STAU2: variants seen among roughly 807,000 people sequenced by gnomAD.
The protein encoded by STAU2 is staufen double-stranded RNA binding protein 2.
In STAU2, 20 loss-of-function variants were observed where a neutral mutation model predicts 65.9. The ratio of observed to expected loss-of-function variants is 0.30; its 90% CI spans 0.21 to 0.44. The LOEUF (loss-of-function observed/expected upper bound fraction) is 0.44, where lower values mean the gene tolerates loss of function less well. STAU2 is among the 20% of genes least tolerant of loss of function. STAU2 has a pLI of 1.00. For missense variants in STAU2, 558 were observed against 683.9 expected, an observed-to-expected ratio of 0.82 and a Z score of 2.05; for synonymous variants, 232 against 233.9, an observed-to-expected ratio of 0.99 and a Z score of 0.07.
chr8:73,450,441 G>A (rs534171297), intron 13 of STAU2, among the ~76,000 whole-genome samples: 5 of 152,244 alleles, frequency 3.3e-5, no homozygotes, highest in African/African-American at 7.2e-5. Flanking sequence ...CCAAAGCCAC[G>A]GATGAGATGA....
chr8:73,625,374 T>A (rs1390201375), intron 6 of STAU2, among the ~76,000 whole-genome samples: 3 of 152,198 alleles, frequency 2.0e-5, no homozygotes, highest in Non-Finnish European at 4.4e-5. Flanking sequence ...TTTACAGTCG[T>A]ACAAAGGAAT....
chr8:73,480,464 A>C (rs1337472677), intron 13 of STAU2, among the ~76,000 whole-genome samples: 2 of 152,174 alleles, frequency 1.3e-5, no homozygotes, highest in African/African-American at 4.8e-5. Flanking sequence ...TTTGGTGACA[A>C]CACGAAGAGG....
chr8:73,480,503 C>T (rs1471572625), intron 13 of STAU2, among the ~76,000 whole-genome samples: 1 of 152,078 alleles, frequency 6.6e-6, no homozygotes, highest in Non-Finnish European at 1.5e-5. Flanking sequence ...AGACTATTAG[C>T]ATTTGGAAAC....
chr8:73,551,669 T>C (rs1807343447), intron 13 of STAU2: 7 of 1,007,130 alleles, frequency 7.0e-6, no homozygotes, highest in Non-Finnish European at 5.9e-6. Flanking sequence ...ACACCAAATG[T>C]CTGAAGGCAG....
Position 73,437,275 on chromosome 8 carries a change from G to A in STAU2, c.1531-14573C>T, listed in dbSNP as rs1222924711. 2.0e-5 allele frequency among the ~76,000 whole-genome samples: 3 copies of A among 152,312 alleles called. No individual in the cohort carries two copies. The East Asian group carries it at 5.8e-4, about 29-fold the overall frequency. On this transcript the variant is annotated intron_variant, in intron 13 of 14. Coordinates refer to ENST00000524300, the MANE Select transcript of STAU2 (RefSeq NM_001164380.2). Reference sequence around the variant, plus strand: ...ACCTGGAGATGGGACAAGTAGCCAGGATTATACAGGTGGGCCCAATCTAAT... The same window carrying A: ...ACCTGGAGATGGGACAAGTAGCCAGAATTATACAGGTGGGCCCAATCTAAT...
Position 73,654,586 on chromosome 8 carries a change from G to A in STAU2, c.410+18521C>T, listed in dbSNP as rs543359098. Among the ~76,000 whole-genome samples, 28 of 121,176 alleles carry A rather than the reference G, an allele frequency of 2.3e-4. No homozygotes were observed. The East Asian group carries it at 7.1e-3, about 31-fold the overall frequency. The allele number at this position is 121,176 out of a possible 152,430, so 79.5% of individuals were successfully genotyped here. A position where few individuals can be genotyped will look rare whatever the true frequency, so the allele number is the denominator to read the frequency against. On this transcript the variant is annotated intron_variant, in intron 6 of 14. Transcript: ENST00000524300. ...GACCAGAAGGTCATGGCTGCACTGAGCCGTGATCATGCCACTGTACTCCAG... is the reference window on the plus strand; with the variant it reads ...GACCAGAAGGTCATGGCTGCACTGAACCGTGATCATGCCACTGTACTCCAG...
intron 4 of STAU2, among the ~76,000 whole-genome samples, chr8:73,695,617 C>T (rs1221558914): frequency 6.6e-6 from 1 of 152,092 alleles, no homozygotes; most frequent in Non-Finnish European, 1.5e-5. Flanking sequence ...CCCTAGGTAC[C>T]AGCTCAGCCA....
intron 6 of STAU2, among the ~76,000 whole-genome samples, chr8:73,654,664 A>AAAAAAAAAAAAAAAAT (rs1554556802): frequency 4.9e-5 from 6 of 122,982 alleles, no homozygotes; most frequent in Admixed American, 8.8e-5. Context: ...AAAAAAAAGA[A>AAAAAAAAAAAAAAAAT]CTCTTTTAAT....
At chr8:73,452,833 CT>C (rs1296959386) in intron 13 of STAU2, among the ~76,000 whole-genome samples, 8 of 152,186 alleles carry the variant, frequency 5.3e-5, no homozygotes, top group African/African-American at 1.9e-4. Context: ...TACAGTGTAT[CT>C]CAGTGACATG....
At position 73,664,756 on chromosome 8, in the gene STAU2, C is replaced by T. The variant is rs556155787; in HGVS notation, c.410+8351G>A. 3.9e-5 allele frequency among the ~76,000 whole-genome samples: 6 copies of T among 152,126 alleles called. No homozygotes were observed. In the East Asian group the frequency reaches 5.8e-4, roughly 15 times the overall value. ...CTGTAATCCCAGCACTTTGGGAGGA[C>T]GAGGTGGGCAGATCACTTGAGGTCT... On this transcript the variant is annotated intron_variant, in intron 6 of 14. Coordinates refer to ENST00000524300, the MANE Select transcript of STAU2 (RefSeq NM_001164380.2).
At chr8:73,608,439 T>C (rs1161580427) in intron 9 of STAU2, among the ~76,000 whole-genome samples, 1 of 151,192 alleles carries the variant, frequency 6.6e-6, no homozygotes. Flanking sequence ...AAAGCCCGTC[T>C]CTACTAAAAA....
intron 9 of STAU2, 126 bp from the exon 10 acceptor site, chr8:73,603,989 G>C: frequency 2.0e-6 from 2 of 1,008,566 alleles, no homozygotes; most frequent in Non-Finnish European, 2.8e-6. Context: ...AGATAAATGA[G>C]TCATTTATGA....
intron 3 of STAU2, among the ~76,000 whole-genome samples, chr8:73,722,367 T>C (rs1387374363): frequency 1.3e-5 from 2 of 152,250 alleles, no homozygotes; most frequent in African/African-American, 4.8e-5. Context: ...CTTTCTTTCA[T>C]GTAACTCCAT....
intron 13 of STAU2, among the ~76,000 whole-genome samples, chr8:73,516,644 T>C (rs1822742563): frequency 6.6e-6 from 1 of 152,130 alleles, no homozygotes; most frequent in Non-Finnish European, 1.5e-5. Context: ...ATTTTGGACA[T>C]GGGGAGAGGC....
intron 13 of STAU2, among the ~76,000 whole-genome samples, chr8:73,510,941 A>C (rs1822363042): frequency 6.6e-6 from 1 of 152,362 alleles, no homozygotes; most frequent in East Asian, 1.9e-4. Flanking sequence ...TTAAAAGTTA[A>C]GTAGAATCAT....
chr8:73,714,679 T>C (rs898161516), intron 3 of STAU2, among the ~76,000 whole-genome samples: 5 of 152,104 alleles, frequency 3.3e-5, no homozygotes, highest in African/African-American at 9.7e-5. Context: ...AAACTGATAG[T>C]TAACAACATA....
chr8:73,496,094 T>A (rs1036265620), intron 13 of STAU2, among the ~76,000 whole-genome samples: 8 of 151,494 alleles, frequency 5.3e-5, no homozygotes, highest in African/African-American at 1.9e-4. Context: ...CCCACTTAAA[T>A]AGAGAGATGA....
chr8:73,592,830 G>A (rs746700723), intron 11 of STAU2, among the ~76,000 whole-genome samples: 11 of 152,150 alleles, frequency 7.2e-5, no homozygotes, highest in Non-Finnish European at 1.6e-4. Context: ...CTGCACTCCA[G>A]CCTGGGTGAC....
At chr8:73,566,434 T>C (rs2128952282) in intron 12 of STAU2, among the ~76,000 whole-genome samples, 1 of 152,334 alleles carries the variant, frequency 6.6e-6, no homozygotes, top group African/African-American at 2.4e-5. Context: ...AACAATAGTT[T>C]GAACATTTTC....
Sources: gnomAD v4.1 joint callset for allele counts (sites outside exome capture counted in the v4.1 genomes callset) on GRCh38, gnomAD v4.1.1 for gene constraint, MANE v1.5 for transcripts, NCBI Gene and HGNC (gene_info 2026-07-23, HGNC 2026-07-21) for gene names.